LINGO2: variants seen among roughly 807,000 people sequenced by gnomAD.
LINGO2 encodes the protein leucine-rich repeat and immunoglobulin-like domain-containing nogo receptor-interacting protein 2.
LINGO2 carries 14 observed loss-of-function variants against 30.6 expected under a neutral mutation model. The ratio of observed to expected loss-of-function variants is 0.46; its 90% CI spans 0.30 to 0.72. The LOEUF is 0.72. LINGO2 is among the 30% of genes least tolerant of loss of function. The pLI, the probability that LINGO2 is intolerant of heterozygous loss-of-function variation, is 0.07. For missense variants in LINGO2, 729 were observed against 751.7 expected, an observed-to-expected ratio of 0.97 and a Z score of 0.35; for synonymous variants, 317 against 288.5, an observed-to-expected ratio of 1.10 and a Z score of -1.00.
intron 3 of LINGO2, among the ~76,000 whole-genome samples, chr9:28,321,302 A>T (rs1252059469): frequency 6.6e-6 from 1 of 152,218 alleles, no homozygotes; most frequent in African/African-American, 2.4e-5. Flanking sequence ...TGTCACAATA[A>T]GCCTCTATGG....
At chr9:28,918,709 C>T in the LINGO2 span, among the ~76,000 whole-genome samples, 1 of 152,242 alleles carries the variant, frequency 6.6e-6, no homozygotes, top group Admixed American at 6.5e-5. Context: ...TGCGGAATAA[C>T]GTTCCAAATG....
At chr9:28,731,014 G>C in the LINGO2 span, among the ~76,000 whole-genome samples, 2 of 150,908 alleles carry the variant, frequency 1.3e-5, no homozygotes, top group South Asian at 2.1e-4. Flanking sequence ...TTTTGAAACA[G>C]AGTTTCACTC....
At chr9:29,156,962 T>C in the LINGO2 span, among the ~76,000 whole-genome samples, 1 of 152,012 alleles carries the variant, frequency 6.6e-6, no homozygotes, top group African/African-American at 2.4e-5. Context: ...GAATAAACAA[T>C]AATAGTAATA....
chr9:28,263,875 T>C (rs1194809421), intron 4 of LINGO2, among the ~76,000 whole-genome samples: 3 of 152,024 alleles, frequency 2.0e-5, no homozygotes, highest in East Asian at 1.9e-4. Flanking sequence ...CACTCTTTTA[T>C]AGGCATTTTC....
the LINGO2 span, among the ~76,000 whole-genome samples, chr9:28,944,210 T>C: frequency 2.0e-5 from 3 of 152,230 alleles, no homozygotes; most frequent in East Asian, 5.8e-4. Context: ...TCCAAGTTAG[T>C]CAAGGAAGAA....
chr9:29,145,366 C>A, the LINGO2 span, among the ~76,000 whole-genome samples: 1 of 151,756 alleles, frequency 6.6e-6, no homozygotes. Context: ...GAACCAGCTC[C>A]AAGAGGCTAT....
intron 5 of LINGO2, among the ~76,000 whole-genome samples, chr9:28,007,094 C>A (rs1376412600): frequency 6.6e-6 from 1 of 152,052 alleles, no homozygotes; most frequent in African/African-American, 2.4e-5. Flanking sequence ...GCTAGTAACT[C>A]CTCTTTAAAA....
At chr9:28,030,767 T>TA (rs746597559) in intron 4 of LINGO2, among the ~76,000 whole-genome samples, 3 of 151,778 alleles carry the variant, frequency 2.0e-5, no homozygotes, top group Non-Finnish European at 4.4e-5. Context: ...CACTACATTG[T>TA]AGCTTAAGGT....
the LINGO2 span, among the ~76,000 whole-genome samples, chr9:28,785,239 G>C: frequency 6.6e-6 from 1 of 152,112 alleles, no homozygotes; most frequent in African/African-American, 2.4e-5. Context: ...GAAGAGTCTT[G>C]AGAAGCAATG....
chr9:28,536,396 C>T (rs951014039), intron 1 of LINGO2, among the ~76,000 whole-genome samples: 1 of 152,186 alleles, frequency 6.6e-6, no homozygotes, highest in East Asian at 1.9e-4. Context: ...TTCATTCAAG[C>T]ATTTTTCAGT....
intron 4 of LINGO2, among the ~76,000 whole-genome samples, chr9:28,087,583 T>A (rs550424261): frequency 1.3e-5 from 2 of 152,146 alleles, no homozygotes; most frequent in Non-Finnish European, 2.9e-5. Flanking sequence ...CTGGGGAATC[T>A]TTTCCTGGAA....
chr9:27,955,524 T>C (rs1819521435), intron 5 of LINGO2, among the ~76,000 whole-genome samples: 1 of 152,228 alleles, frequency 6.6e-6, no homozygotes, highest in Admixed American at 6.5e-5. Context: ...TATAGATTAG[T>C]ATTCATTTTA....
intron 4 of LINGO2, among the ~76,000 whole-genome samples, chr9:28,213,262 G>C (rs1024701186): frequency 6.6e-6 from 1 of 151,386 alleles, no homozygotes; most frequent in Non-Finnish European, 1.5e-5. Flanking sequence ...TTCAATAAAG[G>C]AGGATGGAAG....
the LINGO2 span, among the ~76,000 whole-genome samples, chr9:29,028,608 A>G: frequency 6.6e-6 from 1 of 152,166 alleles, no homozygotes; most frequent in African/African-American, 2.4e-5. Context: ...GCTTTGGCCA[A>G]TAAAATGTGG....
the LINGO2 span, among the ~76,000 whole-genome samples, chr9:29,092,331 G>T: frequency 6.6e-6 from 1 of 151,820 alleles, no homozygotes; most frequent in Non-Finnish European, 1.5e-5. Flanking sequence ...CAATTAATAA[G>T]ATCTAAGACA....
the LINGO2 span, among the ~76,000 whole-genome samples, chr9:28,968,855 T>C: frequency 6.6e-6 from 1 of 152,194 alleles, no homozygotes; most frequent in East Asian, 1.9e-4. Flanking sequence ...CAGATCTTTA[T>C]TGTTATCAAA....
chr9:28,977,918 T>G, the LINGO2 span, among the ~76,000 whole-genome samples: 2 of 152,156 alleles, frequency 1.3e-5, no homozygotes, highest in Non-Finnish European at 2.9e-5. Context: ...ATTCTCAAAC[T>G]GACAGGATCT....
At chr9:29,190,382 A>G in the LINGO2 span, among the ~76,000 whole-genome samples, 78 of 152,294 alleles carry the variant, frequency 5.1e-4, no homozygotes, top group African/African-American at 1.8e-3. Flanking sequence ...ACTTGTTTAT[A>G]CCCACTTCTA....
the LINGO2 span, among the ~76,000 whole-genome samples, chr9:28,720,003 A>G: frequency 6.6e-6 from 1 of 152,020 alleles, no homozygotes; most frequent in Non-Finnish European, 1.5e-5. Context: ...ATCTTCTCTG[A>G]ACTACCGAAG....
Sources: gnomAD v4.1 joint callset for allele counts (sites outside exome capture counted in the v4.1 genomes callset) on GRCh38, gnomAD v4.1.1 for gene constraint, MANE v1.5 for transcripts, NCBI Gene and HGNC (gene_info 2026-07-23, HGNC 2026-07-21) for gene names.